The following LVRN variants were observed in gnomAD, a reference collection of about 807,000 sequenced individuals.
LVRN encodes laeverin.
A neutral mutation model predicts 111.4 loss-of-function variants in LVRN; 99 were observed. The observed-to-expected ratio is 0.89, with a 90% CI of 0.76 to 1.05. LVRN has a LOEUF of 1.05. LVRN is among the 50% of genes least tolerant of loss of function. The pLI, the probability that LVRN is intolerant of heterozygous loss-of-function variation, is 0.00. For synonymous variants in LVRN, 488 were observed against 449.5 expected (o/e 1.09, Z -1.08); for missense variants, 1,414 against 1,206.8 (o/e 1.17, Z -2.54).
At chr5:115,986,897 G>A (rs1021872716) in intron 3 of LVRN, among the ~76,000 whole-genome samples, 1 of 152,080 alleles carries the variant, frequency 6.6e-6, no homozygotes. Flanking sequence ...TTTGCAGAGC[G>A]TTCTTTCTTA....
At chr5:115,987,773 T>C in intron 3 of LVRN, 40 bp from the exon 4 acceptor site, 1 of 1,590,848 alleles carries the variant, frequency 6.3e-7, no homozygotes, top group East Asian at 2.3e-5. Context: ...CCAAAATCAC[T>C]ACTGGTTTTC....
intron 18 of LVRN, among the ~76,000 whole-genome samples, chr5:116,016,582 A>G (rs1048787362): frequency 3.0e-4 from 45 of 152,194 alleles, no homozygotes; most frequent in Non-Finnish European, 4.7e-4. Context: ...ACAGATGGAG[A>G]CAATAGCTCA....
rs1025043083 is a variant in LVRN, at chr5:116,026,424, T to G, written c.*306T>G. 13 of 367,544 alleles carry G rather than the reference T, an allele frequency of 3.5e-5. No homozygotes were observed. Among genetic ancestry groups the G allele is most frequent in the African/African-American group, 2.3e-4 (11 of 47,524 alleles). 22.8% of individuals were successfully genotyped at this position (367,544 alleles called of 1,614,324 possible). On this transcript the variant is annotated 3_prime_UTR_variant, in exon 20 of 20. Transcript: ENST00000357872. ...TCACCTAAGATAGTCTTGCTTATTT[T>G]GTTGCGAAGGCCAGTGGAATATAAA... is the stretch of plus-strand genomic sequence containing the variant.
Position 116,018,901 on chromosome 5 carries a change from C to G in LVRN, c.2756+3136C>G, listed in dbSNP as rs73263191. On this transcript the variant is annotated intron_variant, in intron 18 of 19. Coordinates refer to ENST00000357872, the MANE Select transcript of LVRN (RefSeq NM_173800.5). ...TAAGTTCACAGCAAAATTAAGCAGACAGAGTTCCCATATATCCCTCTCCCC... is the reference window on the plus strand; with the variant it reads ...TAAGTTCACAGCAAAATTAAGCAGAGAGAGTTCCCATATATCCCTCTCCCC... Among the ~76,000 whole-genome samples, 673 of 152,138 alleles carry G rather than the reference C, an allele frequency of 4.4e-3. 6 individuals carry two copies. Among genetic ancestry groups the G allele is most frequent in the African/African-American group, 0.015 (638 of 41,494 alleles).
intron 4 of LVRN, among the ~76,000 whole-genome samples, chr5:115,989,389 G>A (rs1747937357): frequency 6.6e-6 from 1 of 152,074 alleles, no homozygotes; most frequent in Admixed American, 6.6e-5. Flanking sequence ...TCCTGAAATG[G>A]CTTCTATCCA....
rs776181502 is a variant in LVRN, at chr5:116,015,344, A to G, written c.2543A>G (p.Asn848Ser). ...EWDILLNTYT[N>S]TTNKEEKIQL... ...GACATCTTGTTAAATACTTACACTAATACAACAAACAAAGAAGAAAAGATT... is the reference window on the plus strand; with the variant it reads ...GACATCTTGTTAAATACTTACACTAGTACAACAAACAAAGAAGAAAAGATT... Residue 848 changes from asparagine to serine, a missense_variant, in exon 17 of 20, where the codon AAT becomes AGT. Transcript: ENST00000357872. 6.2e-7 allele frequency: 1 copy of G among 1,612,494 alleles called. No individual in the cohort carries two copies. The highest frequency in any genetic ancestry group is 1.1e-5 in the South Asian group (1 of 90,696).
In LVRN at chr5:116,012,407, A is replaced by C. The variant is rs549001516; in HGVS notation, c.2281A>C (p.Asn761His). The change falls in exon 15 of 20, where the codon AAT becomes CAT. Residue 761 changes from asparagine to histidine, a missense_variant. Transcript: ENST00000357872. ...YLLKRLNLIWNIYSTIIRENV... is the reference protein window; with the variant it reads ...YLLKRLNLIWHIYSTIIRENV... ...ATTAAAGAGACTTAATTTAATATGGAATATTTATTCAACTATAATTCGTGA... is the reference window on the plus strand; with the variant it reads ...ATTAAAGAGACTTAATTTAATATGGCATATTTATTCAACTATAATTCGTGA... The C allele has an allele frequency of 6.5e-7, 1 of 1,530,764 alleles. No homozygotes were observed. Among genetic ancestry groups the C allele is most frequent in the South Asian group, 1.2e-5 (1 of 86,472 alleles). The allele number at this position is 1,530,764 out of a possible 1,614,324, so 94.8% of individuals were successfully genotyped here. A position where few individuals can be genotyped will look rare whatever the true frequency, so the allele number is the denominator to read the frequency against.
At chr5:116,021,641 C>A in intron 18 of LVRN, 1 of 391,418 alleles carries the variant, frequency 2.6e-6, no homozygotes, top group Non-Finnish European at 5.0e-6. Context: ...ATTAACTATT[C>A]AACTGTCTCT....
At chr5:116,016,683 A>T (rs1486685450) in intron 18 of LVRN, among the ~76,000 whole-genome samples, 1 of 152,190 alleles carries the variant, frequency 6.6e-6, no homozygotes, top group Non-Finnish European at 1.5e-5. Context: ...GCAGAAGGAA[A>T]CCTAGAGTTT....
At position 115,987,744 on chromosome 5, in the gene LVRN, G is replaced by A. The variant is rs188685032; in HGVS notation, c.979-69G>A. Reference sequence around the variant, plus strand: ...TTTGGTTCAGCAGCAGGGAATTGGAGCAAGCAGACTACCTCTTTCCAAAAT... The same window carrying A: ...TTTGGTTCAGCAGCAGGGAATTGGAACAAGCAGACTACCTCTTTCCAAAAT... On this transcript the variant is annotated intron_variant, in intron 3 of 19. Transcript: ENST00000357872. 6.8e-5 allele frequency: 104 copies of A among 1,527,816 alleles called. No individual in the cohort carries two copies. The East Asian group carries it at 2.3e-3, about 35-fold the overall frequency. The allele number at this position is 1,527,816 out of a possible 1,614,324, so 94.6% of individuals were successfully genotyped here.
chr5:116,010,713 T>G (rs1748470804), intron 13 of LVRN, 28 bp from the exon 14 acceptor site: 2 of 1,571,374 alleles, frequency 1.3e-6, no homozygotes, highest in African/African-American at 1.4e-5. Flanking sequence ...GAAGGTTTTT[T>G]GAGTGTGTGT....
rs1401439100 is a variant in LVRN at position 116,005,870 on chromosome 5, G to A, written c.2038-42G>A. The A allele has an allele frequency of 4.6e-6, 7 of 1,536,284 alleles. 1 individual carries two copies. The highest frequency in any genetic ancestry group is 1.7e-4 in the Middle Eastern group (1 of 5,942). On this transcript the variant is annotated intron_variant, in intron 12 of 19. Coordinates refer to ENST00000357872, the MANE Select transcript of LVRN (RefSeq NM_173800.5). ...TATTTTGAAAACTTTGCGGAAAAATGTTCTCATCTTCTTCTGGGCATATTT... is the reference window on the plus strand; with the variant it reads ...TATTTTGAAAACTTTGCGGAAAAATATTCTCATCTTCTTCTGGGCATATTT...
At chr5:116,002,475 G>A (rs1196221871) in intron 10 of LVRN, among the ~76,000 whole-genome samples, 1 of 152,180 alleles carries the variant, frequency 6.6e-6, no homozygotes. Context: ...ACCTCTCTGG[G>A]CATGGACGGA....
At chr5:115,975,003 G>T (rs7713570) in intron 1 of LVRN, 155,926 of 363,490 alleles carry the variant, frequency 0.43, 34,267 homozygotes, top group East Asian at 0.54. Context: ...GGTGAAATAA[G>T]ATCTAGAAAA....
chr5:116,006,075 C>CCTG, intron 13 of LVRN, 108 bp downstream of exon 13: 1 of 836,684 alleles, frequency 1.2e-6, no homozygotes, highest in Non-Finnish European at 1.8e-6. Context: ...CAGGCCATAA[C>CCTG]TGATTAAGAT....
chr5:115,964,091 GTC>G (rs1264730034), intron 1 of LVRN, among the ~76,000 whole-genome samples: 1 of 152,294 alleles, frequency 6.6e-6, no homozygotes, highest in East Asian at 1.9e-4. Flanking sequence ...CACAAGAATT[GTC>G]TCTTTCCACG....
chr5:116,020,271 C>A (rs546004591), intron 18 of LVRN, among the ~76,000 whole-genome samples: 1 of 152,076 alleles, frequency 6.6e-6, no homozygotes, highest in Non-Finnish European at 1.5e-5. Flanking sequence ...ACAGAAAAGT[C>A]AGTAGGTACA....
intron 1 of LVRN, among the ~76,000 whole-genome samples, chr5:115,982,142 T>C (rs1371792491): frequency 6.6e-6 from 1 of 152,172 alleles, no homozygotes; most frequent in Non-Finnish European, 1.5e-5. Flanking sequence ...CAGGCCTTAC[T>C]ATAAATTATT....
At chr5:116,004,825 A>G (rs546562400) in intron 12 of LVRN, among the ~76,000 whole-genome samples, 1 of 152,366 alleles carries the variant, frequency 6.6e-6, no homozygotes, top group African/African-American at 2.4e-5. Flanking sequence ...TGATATATGT[A>G]TTATGTTTAA....
Sources: gnomAD v4.1 joint callset for allele counts (sites outside exome capture counted in the v4.1 genomes callset) on GRCh38, gnomAD v4.1.1 for gene constraint, MANE v1.5 for transcripts, NCBI Gene and HGNC (gene_info 2026-07-23, HGNC 2026-07-21) for gene names.